ROBO2: variants seen among roughly 807,000 people sequenced by gnomAD.
ROBO2 encodes the protein roundabout homolog 2.
A neutral mutation model predicts 160.8 loss-of-function variants in ROBO2; 53 were observed. That is an observed-to-expected ratio of 0.33 (90% CI 0.26 to 0.41). ROBO2 has a LOEUF of 0.41. ROBO2 is among the 10% of genes least tolerant of loss of function. ROBO2 has a pLI of 1.00. For synonymous variants in ROBO2, 664 were observed against 611.7 expected, an observed-to-expected ratio of 1.09 and a Z score of -1.26; for missense variants, 1,577 against 1,722.4, an observed-to-expected ratio of 0.92 and a Z score of 1.49.
chr3:76,033,133 T>A (rs546426386), intron 2 of ROBO2, among the ~76,000 whole-genome samples: 1 of 152,280 alleles, frequency 6.6e-6, no homozygotes, highest in Middle Eastern at 3.4e-3. Context: ...ATGTTATTGT[T>A]GTTTTTTCTT....
intron 24 of ROBO2, among the ~76,000 whole-genome samples, chr3:77,640,152 G>T (rs1318778149): frequency 8.1e-6 from 1 of 123,298 alleles, no homozygotes; most frequent in Admixed American, 1.0e-4. Context: ...CGCTCTATCC[G>T]CCAGGCTGGA....
chr3:76,740,524 C>T (rs1432513616), intron 2 of ROBO2, among the ~76,000 whole-genome samples: 1 of 152,084 alleles, frequency 6.6e-6, no homozygotes, highest in Non-Finnish European at 1.5e-5. Context: ...TTCTCCTGCC[C>T]AGATTCATCT....
intron 2 of ROBO2, among the ~76,000 whole-genome samples, chr3:76,715,550 A>G (rs1261793086): frequency 6.6e-6 from 1 of 152,164 alleles, no homozygotes; most frequent in Non-Finnish European, 1.5e-5. Flanking sequence ...CATTTGAACA[A>G]GAATCTTGGT....
At chr3:76,012,394 CTT>C (rs1433687457) in intron 2 of ROBO2, among the ~76,000 whole-genome samples, 1 of 152,054 alleles carries the variant, frequency 6.6e-6, no homozygotes, top group African/African-American at 2.4e-5. Context: ...AAATAAAACA[CTT>C]TTTATATGTT....
chr3:76,083,882 A>G (rs181672544), intron 2 of ROBO2, among the ~76,000 whole-genome samples: 74 of 152,266 alleles, frequency 4.9e-4, no homozygotes, highest in Admixed American at 9.2e-4. Flanking sequence ...TGGCAATATG[A>G]TGGTTACCAC....
chr3:76,744,132 A>G (rs1285227766), intron 2 of ROBO2, among the ~76,000 whole-genome samples: 1 of 152,186 alleles, frequency 6.6e-6, no homozygotes, highest in Non-Finnish European at 1.5e-5. Context: ...AAGTTAGAAG[A>G]TGAGAGTTCG....
intron 5 of ROBO2, among the ~76,000 whole-genome samples, chr3:77,511,119 G>T (rs1384192222): frequency 5.3e-5 from 8 of 151,974 alleles, no homozygotes; most frequent in Admixed American, 3.9e-4. Flanking sequence ...ACAAGAGAAT[G>T]AGATGACAGG....
At chr3:77,121,965 A>T (rs9832117) in intron 2 of ROBO2, among the ~76,000 whole-genome samples, 32,486 of 151,686 alleles carry the variant, frequency 0.21, 4,251 homozygotes, top group Non-Finnish European at 0.29. Context: ...AGATTTTTTT[A>T]AAAAAATTGC....
chr3:76,447,718 AATG>A (rs2077262600), intron 2 of ROBO2, among the ~76,000 whole-genome samples: 1 of 151,814 alleles, frequency 6.6e-6, no homozygotes, highest in Non-Finnish European at 1.5e-5. Context: ...AGCCGTATAA[AATG>A]ATGAGTTCAT....
chr3:77,590,787 TTTC>T (rs1348171303), intron 17 of ROBO2, among the ~76,000 whole-genome samples: 2 of 152,116 alleles, frequency 1.3e-5, no homozygotes, highest in Admixed American at 1.3e-4. Flanking sequence ...CAGAGAGACT[TTTC>T]TTCTTTTTTT....
chr3:76,947,462 T>C (rs2078629948), intron 2 of ROBO2, among the ~76,000 whole-genome samples: 1 of 152,202 alleles, frequency 6.6e-6, no homozygotes, highest in Non-Finnish European at 1.5e-5. Context: ...TTTCAGTACA[T>C]GTCATCATTT....
intron 2 of ROBO2, among the ~76,000 whole-genome samples, chr3:76,372,334 T>C (rs2076145125): frequency 6.6e-6 from 1 of 151,902 alleles, no homozygotes; most frequent in South Asian, 2.1e-4. Flanking sequence ...AGACTATTGC[T>C]ATCAAGGTTG....
At chr3:76,079,514 C>T (rs150578019) in intron 2 of ROBO2, among the ~76,000 whole-genome samples, 2,451 of 138,382 alleles carry the variant, frequency 0.018, 76 homozygotes, top group African/African-American at 0.063. Flanking sequence ...GACAGAGTCT[C>T]GCTCTGTCGC....
intron 2 of ROBO2, among the ~76,000 whole-genome samples, chr3:77,015,205 G>A (rs533924132): frequency 2.0e-5 from 3 of 152,242 alleles, no homozygotes; most frequent in Middle Eastern, 3.4e-3. Context: ...AATTTAACAA[G>A]AGTTAGCTAA....
intron 2 of ROBO2, among the ~76,000 whole-genome samples, chr3:76,004,409 C>A (rs1277840650): frequency 6.6e-6 from 1 of 152,102 alleles, no homozygotes; most frequent in Non-Finnish European, 1.5e-5. Context: ...CAAAGGGGCA[C>A]TAGGTAACAT....
chr3:77,294,449 A>G lies in ROBO2; in HGVS notation c.389-182965A>G, dbSNP rs559970641. On this transcript the variant is annotated intron_variant, in intron 2 of 25. Transcript: ENST00000461745. ...AAGTTGAGCCTAGATCCCTAAAGAC[A>G]TAAAGTAAAATTGACGGGTAAACGG... 3.5e-5 allele frequency among the ~76,000 whole-genome samples: 5 copies of G among 141,480 alleles called. 1 individual carries two copies. The East Asian group carries it at 8.1e-4, about 23-fold the overall frequency. The allele number at this position is 141,480 out of a possible 152,430, so 92.8% of individuals were successfully genotyped here.
At chr3:76,747,615 T>G (rs947025259) in intron 2 of ROBO2, among the ~76,000 whole-genome samples, 2 of 151,934 alleles carry the variant, frequency 1.3e-5, no homozygotes, top group East Asian at 3.9e-4. Flanking sequence ...AGTTAAGAAT[T>G]TTAAATTTAA....
chr3:75,977,118 A>G (rs1299556191), intron 2 of ROBO2, among the ~76,000 whole-genome samples: 5 of 151,618 alleles, frequency 3.3e-5, no homozygotes, highest in African/African-American at 1.2e-4. Context: ...TATGGTTAAA[A>G]GCAACCATTT....
At chr3:76,542,090 A>AT (rs2082849824) in intron 2 of ROBO2, among the ~76,000 whole-genome samples, 1 of 151,270 alleles carries the variant, frequency 6.6e-6, no homozygotes, top group Non-Finnish European at 1.5e-5. Context: ...TTCAGTGATC[A>AT]TTTTTTTTCT....
Sources: gnomAD v4.1 joint callset for allele counts (sites outside exome capture counted in the v4.1 genomes callset) on GRCh38, gnomAD v4.1.1 for gene constraint, MANE v1.5 for transcripts, NCBI Gene and HGNC (gene_info 2026-07-23, HGNC 2026-07-21) for gene names.